The following TACC2 variants were observed in gnomAD, a reference collection of about 807,000 sequenced individuals.
TACC2 encodes the protein transforming acidic coiled-coil containing protein 2.
A neutral mutation model predicts 227.3 loss-of-function variants in TACC2; 137 were observed. The ratio of observed to expected loss-of-function variants is 0.60; its 90% CI spans 0.52 to 0.69. TACC2 has a LOEUF of 0.69. Ranked by LOEUF, TACC2 falls within the 30% of genes least tolerant of loss-of-function variation. The pLI is 0.00. For synonymous variants in TACC2, 1,523 were observed against 1,487.5 expected, an observed-to-expected ratio of 1.02 and a Z score of -0.55; for missense variants, 3,470 against 3,694.4, an observed-to-expected ratio of 0.94 and a Z score of 1.57.
chr10:122,179,988 G>T (rs1299915100), intron 7 of TACC2, among the ~76,000 whole-genome samples: 1 of 152,000 alleles, frequency 6.6e-6, no homozygotes, highest in Non-Finnish European at 1.5e-5. Flanking sequence ...GGAGGCTGAG[G>T]TTCAGAGGAT....
chr10:122,031,952 C>T (rs1959036427), intron 2 of TACC2, among the ~76,000 whole-genome samples: 1 of 152,118 alleles, frequency 6.6e-6, no homozygotes. Context: ...AGGTGATCCT[C>T]CCACCTCAGC....
chr10:122,123,522 A>G (rs1366027546), intron 5 of TACC2, among the ~76,000 whole-genome samples: 1 of 152,200 alleles, frequency 6.6e-6, no homozygotes, highest in South Asian at 2.1e-4. Flanking sequence ...AGGAATGCCA[A>G]GGGTGGCTCT....
At position 122,194,417 on chromosome 10, in the gene TACC2, G is replaced by A. The variant is rs1020812795; in HGVS notation, c.5835-623G>A. 2.0e-5 allele frequency among the ~76,000 whole-genome samples: 3 copies of A among 152,204 alleles called. No homozygotes were observed. The highest frequency in any genetic ancestry group is 7.2e-5 in the African/African-American group (3 of 41,450). On this transcript the variant is annotated intron_variant, in intron 7 of 22. Coordinates refer to ENST00000369005, the MANE Select transcript of TACC2 (RefSeq NM_206862.4). The surrounding 1 kb of genome is among the most constrained non-coding windows in gnomAD (Gnocchi z 4.4). ...GTGGCCGTGCTTTGTGTCTTGGTCT[G>A]ATGCACCCTCTGCCTGGCCGGCTTG... is the stretch of plus-strand genomic sequence containing the variant.
chr10:122,232,782 C>A (rs868402435), intron 16 of TACC2, among the ~76,000 whole-genome samples: 3 of 152,116 alleles, frequency 2.0e-5, no homozygotes, highest in African/African-American at 7.2e-5. Context: ...AAAGATTGTT[C>A]CTTGCTGCAT....
intron 7 of TACC2, among the ~76,000 whole-genome samples, chr10:122,160,840 A>G (rs567480277): frequency 1.3e-5 from 2 of 152,346 alleles, no homozygotes; most frequent in African/African-American, 4.8e-5. Flanking sequence ...AAGGTCTTCA[A>G]TGAGGGTCTG....
Position 122,084,417 on chromosome 10 carries a change from G to T in TACC2, c.1917G>T (p.Gly639=), listed in dbSNP as rs751794067. 6.2e-7 allele frequency: 1 copy of T among 1,613,006 alleles called. No homozygotes were observed. ...ACTCAGCACAGCCACCCAGAAAGGG[G>T]GGTGCTGGGCACACGGACGGGCCCC... ...SSHSAQPPRK[G]GAGHTDGPHS... is the part of the protein sequence containing the mutation. Residue 639 remains glycine, a synonymous_variant, in exon 4 of 23, where the codon GGG becomes GGT. Transcript: ENST00000369005.
chr10:122,211,746 G>T (rs2095298248), intron 9 of TACC2, 38 bp downstream of exon 9: 1 of 1,508,270 alleles, frequency 6.6e-7, no homozygotes. Context: ...ATCAGAGGCG[G>T]GGGTGCGCAT....
chr10:122,194,754 A>T lies in TACC2; in HGVS notation c.5835-286A>T, dbSNP rs1304178913. Reference sequence around the variant, plus strand: ...ATACCTAATAATGAACGCGTGCGGAAGTTCATCCAGAGTCCGCTGTGTGTG... The same window carrying T: ...ATACCTAATAATGAACGCGTGCGGATGTTCATCCAGAGTCCGCTGTGTGTG... On this transcript the variant is annotated intron_variant, in intron 7 of 22. Coordinates refer to ENST00000369005, the MANE Select transcript of TACC2 (RefSeq NM_206862.4). The surrounding 1 kb of genome is among the most constrained non-coding windows in gnomAD (Gnocchi z 4.4). Among the ~76,000 whole-genome samples, 1 of 152,222 alleles carries T rather than the reference A, an allele frequency of 6.6e-6. No homozygotes were observed. The highest frequency in any genetic ancestry group is 1.5e-5 in the Non-Finnish European group (1 of 68,042).
At chr10:122,057,709 A>G (rs2076349403) in intron 3 of TACC2, among the ~76,000 whole-genome samples, 1 of 152,020 alleles carries the variant, frequency 6.6e-6, no homozygotes, top group Non-Finnish European at 1.5e-5. Context: ...AATCCCAGCT[A>G]CTTGGGAGGC....
intron 5 of TACC2, among the ~76,000 whole-genome samples, chr10:122,112,728 G>A (rs1373589772): frequency 1.3e-5 from 2 of 152,222 alleles, no homozygotes; most frequent in African/African-American, 4.8e-5. Context: ...GACAAACTAA[G>A]AACAGTAACA....
Position 122,086,823 on chromosome 10 carries a change from C to T in TACC2, c.4323C>T (p.Asp1441=). 6.2e-7 allele frequency: 1 copy of T among 1,613,924 alleles called. No individual in the cohort carries two copies. The highest frequency in any genetic ancestry group is 8.5e-7 in the Non-Finnish European group (1 of 1,179,990). The change falls in exon 4 of 23, where the codon GAC becomes GAT. Residue 1441 remains aspartate, a synonymous_variant. Transcript: ENST00000369005. ...AGAGRSAVGK[D]LTRPLGPEKL... ...CTGGGAGGAGTGCAGTGGGTAAAGA[C>T]CTCACCAGGCCATTGGGCCCAGAGA... is the stretch of plus-strand genomic sequence containing the variant.
intron 8 of TACC2, among the ~76,000 whole-genome samples, chr10:122,199,962 G>A (rs2094723604): frequency 6.6e-6 from 1 of 152,154 alleles, no homozygotes; most frequent in East Asian, 1.9e-4. Context: ...ACCTCCCAAA[G>A]GCCCCACCTC....
chr10:122,199,991 A>G (rs929501010), intron 8 of TACC2, among the ~76,000 whole-genome samples: 12 of 152,156 alleles, frequency 7.9e-5, no homozygotes, highest in African/African-American at 1.2e-4. Flanking sequence ...ATCACCTTAT[A>G]TGAGGATTTC....
intron 2 of TACC2, among the ~76,000 whole-genome samples, chr10:122,031,304 C>T (rs987155058): frequency 2.0e-5 from 3 of 151,998 alleles, no homozygotes; most frequent in Admixed American, 1.3e-4. Context: ...CTTTGTGATT[C>T]CCCAGTGTCC....
intron 5 of TACC2, among the ~76,000 whole-genome samples, chr10:122,129,277 C>T (rs964698518): frequency 4.0e-5 from 6 of 151,726 alleles, no homozygotes; most frequent in African/African-American, 1.2e-4. Context: ...AGGCTCGTCT[C>T]GAACTCTTGA....
At chr10:122,133,877 C>T (rs187149405) in intron 6 of TACC2, among the ~76,000 whole-genome samples, 180 of 152,306 alleles carry the variant, frequency 1.2e-3, no homozygotes, top group Non-Finnish European at 2.2e-3. Flanking sequence ...AACCGCAGTA[C>T]CCAAGATGGC....
chr10:122,096,794 C>G (rs540704392), intron 5 of TACC2, among the ~76,000 whole-genome samples: 2 of 152,198 alleles, frequency 1.3e-5, no homozygotes, highest in East Asian at 1.9e-4. Context: ...CTGTTCTTGT[C>G]CCGAAAACCT....
At position 122,087,378 on chromosome 10, in the gene TACC2, T is replaced by A; in HGVS notation, c.4878T>A (p.His1626Gln). 1 of 1,614,030 alleles carries A rather than the reference T, an allele frequency of 6.2e-7. No homozygotes were observed. The highest frequency in any genetic ancestry group is 8.5e-7 in the Non-Finnish European group (1 of 1,180,024). ...TTGCTCACACAGGGGTTCCAGGACATGTGCCAAGGTCCACGTGTGCCCCTT... is the reference window on the plus strand; with the variant it reads ...TTGCTCACACAGGGGTTCCAGGACAAGTGCCAAGGTCCACGTGTGCCCCTT... The part of the protein sequence containing the change: ...GDFAHTGVPG[H>Q]VPRSTCAPSP... Residue 1626 changes from histidine to glutamine, a missense_variant, in exon 4 of 23, where the codon CAT (histidine) becomes CAA (glutamine). Physicochemically the swap from His to Gln is conservative, Grantham distance 24. Coordinates refer to ENST00000369005, the MANE Select transcript of TACC2 (RefSeq NM_206862.4).
chr10:122,198,928 G>A (rs2094680060), intron 8 of TACC2, among the ~76,000 whole-genome samples: 1 of 152,268 alleles, frequency 6.6e-6, no homozygotes, highest in South Asian at 2.1e-4. Flanking sequence ...ATGGGGCAAA[G>A]GATTGCGAGT....
Sources: gnomAD v4.1 joint callset for allele counts (sites outside exome capture counted in the v4.1 genomes callset) on GRCh38, gnomAD v4.1.1 for gene constraint, Gnocchi (gnomAD v3.1) non-coding constraint, MANE v1.5 for transcripts, NCBI Gene and HGNC (gene_info 2026-07-23, HGNC 2026-07-21) for gene names.